The following FGF13 variants were observed in gnomAD, a reference collection of about 807,000 sequenced individuals.
FGF13 encodes fibroblast growth factor homologous factor 2.
FGF13 carries 2 observed loss-of-function variants against 19.5 expected under a neutral mutation model. The ratio of observed to expected loss-of-function variants is 0.10; its 90% confidence interval spans 0.04 to 0.32. FGF13 has a LOEUF of 0.32. FGF13 is among the 10% of genes least tolerant of loss of function. The pLI is 1.00. For synonymous variants in FGF13, 72 were observed against 76.9 expected (o/e 0.94, Z 0.33); for missense variants, 113 against 192.7 (o/e 0.59, Z 2.45).
intron 1 of FGF13, among the ~76,000 whole-genome samples, chrX:138,971,134 C>G (rs1271718834): frequency 1.8e-5 from 2 of 111,433 alleles, no homozygotes; most frequent in African/African-American, 6.5e-5. Context: ...AGAAATAGGA[C>G]AGGGTATTGC....
chrX:138,794,306 A>AT (rs1268689658), intron 3 of FGF13, among the ~76,000 whole-genome samples: 2 of 111,728 alleles, frequency 1.8e-5, no homozygotes, highest in Non-Finnish European at 3.8e-5. Flanking sequence ...TAAGGATTAA[A>AT]TTTTTTTAAT....
At chrX:138,876,283 A>G (rs183458082) in intron 1 of FGF13, among the ~76,000 whole-genome samples, 94 of 112,572 alleles carry the variant, frequency 8.4e-4, no homozygotes, top group Non-Finnish European at 1.3e-4. Flanking sequence ...CTCTCACCTT[A>G]AAATGTAGGC....
intron 1 of FGF13, among the ~76,000 whole-genome samples, chrX:138,976,655 C>G (rs1259332058): frequency 5.1e-4 from 57 of 111,439 alleles, no homozygotes; most frequent in African/African-American, 1.6e-3. Context: ...CTATAAAATT[C>G]ACCCATGTAA....
chrX:138,720,274 C>T lies in FGF13; in HGVS notation c.29-11346G>A, dbSNP rs746871882. 2.7e-5 allele frequency among the ~76,000 whole-genome samples: 3 copies of T among 112,286 alleles called. No individual in the cohort carries two copies. The South Asian group carries it at 1.1e-3, about 41-fold the overall frequency. ...TATTTGAAGACCTGCTGTATGTCATCTCACTTAAAGTTGCAATTTCCAAGA... is the reference window on the plus strand; with the variant it reads ...TATTTGAAGACCTGCTGTATGTCATTTCACTTAAAGTTGCAATTTCCAAGA... On this transcript the variant is annotated intron_variant, in intron 1 of 4. Transcript: ENST00000305414.
intron 3 of FGF13, among the ~76,000 whole-genome samples, chrX:138,818,499 G>GACACAC (rs371760908): frequency 0.028 from 2,370 of 84,734 alleles, 38 homozygotes; most frequent in African/African-American, 0.039. Flanking sequence ...TATATGCACA[G>GACACAC]ACACACACAC....
intron 1 of FGF13, among the ~76,000 whole-genome samples, chrX:139,024,996 C>T (rs770143754): frequency 9.0e-6 from 1 of 110,997 alleles, no homozygotes; most frequent in Non-Finnish European, 1.9e-5. Flanking sequence ...TCAAAGAGTC[C>T]TGCCATCCAT....
At chrX:138,823,237 T>C (rs1156602462) in intron 3 of FGF13, among the ~76,000 whole-genome samples, 1 of 111,147 alleles carries the variant, frequency 9.0e-6, no homozygotes, top group East Asian at 2.9e-4. Flanking sequence ...AGTGGGGCTA[T>C]GGTGAGATAG....
intron 3 of FGF13, among the ~76,000 whole-genome samples, chrX:138,818,485 T>G (rs1326646312): frequency 2.2e-5 from 2 of 91,710 alleles, no homozygotes; most frequent in Non-Finnish European, 4.3e-5. Flanking sequence ...TATATAAGGA[T>G]ATATATATGC....
At chrX:139,078,563 T>C (rs1375234791) in intron 1 of FGF13, among the ~76,000 whole-genome samples, 1 of 112,919 alleles carries the variant, frequency 8.9e-6, no homozygotes, top group Non-Finnish European at 1.9e-5. Context: ...GCAACTACTG[T>C]CCCAGTTCCA....
intron 1 of FGF13, among the ~76,000 whole-genome samples, chrX:138,930,485 C>T (rs1256221572): frequency 8.9e-6 from 1 of 111,818 alleles, no homozygotes; most frequent in Non-Finnish European, 1.9e-5. Flanking sequence ...AAAACAGACT[C>T]CAAATCCGGA....
chrX:138,820,078 C>T (rs1400301336), intron 3 of FGF13, among the ~76,000 whole-genome samples: 1 of 110,718 alleles, frequency 9.0e-6, no homozygotes, highest in Non-Finnish European at 1.9e-5. Context: ...ATAGAAATTA[C>T]AGAAAAAATG....
chrX:138,970,681 T>C (rs1417321563), intron 1 of FGF13, among the ~76,000 whole-genome samples: 1 of 111,371 alleles, frequency 9.0e-6, no homozygotes. Flanking sequence ...AAAAAATGCA[T>C]TTAGGAGTTA....
intron 1 of FGF13, among the ~76,000 whole-genome samples, chrX:138,954,850 C>T (rs1449667945): frequency 8.9e-6 from 1 of 111,843 alleles, no homozygotes; most frequent in African/African-American, 3.3e-5. Context: ...CCACTAGCAA[C>T]GTTTTCTTAT....
chrX:138,904,166 T>C (rs1238077259), intron 1 of FGF13, among the ~76,000 whole-genome samples: 2 of 111,834 alleles, frequency 1.8e-5, no homozygotes, highest in African/African-American at 6.5e-5. Flanking sequence ...TTAAAGACAA[T>C]TTCAAGCACA....
At chrX:139,004,915 G>A (rs2092093898) in intron 1 of FGF13, among the ~76,000 whole-genome samples, 1 of 112,063 alleles carries the variant, frequency 8.9e-6, no homozygotes, top group Admixed American at 9.4e-5. Flanking sequence ...CAGAACACCA[G>A]GTAGACTTCT....
At chrX:138,761,271 G>T (rs2090464257) in intron 3 of FGF13, among the ~76,000 whole-genome samples, 1 of 111,445 alleles carries the variant, frequency 9.0e-6, no homozygotes, top group Non-Finnish European at 1.9e-5. Flanking sequence ...TCTCTTGCTT[G>T]CCATTCAGAT....
chrX:139,094,195 T>C (rs1031152676), intron 1 of FGF13, among the ~76,000 whole-genome samples: 1 of 110,756 alleles, frequency 9.0e-6, no homozygotes, highest in Admixed American at 9.6e-5. Context: ...AAAACTAAGA[T>C]TGAGAAGTGA....
rs144527288 is a variant in FGF13 at position 139,173,877 on chromosome X, T to C, written c.-113+29539A>G. Among the ~76,000 whole-genome samples the C allele has an allele frequency of 2.2e-3, 251 of 111,940 alleles. 4 individuals are homozygous for C. The highest frequency in any genetic ancestry group is 6.0e-4 in the Non-Finnish European group (32 of 53,222). The stretch of plus-strand genomic sequence containing the variant: ...AAATAAACATCCGTGTGCATGTGTC[T>C]TTATAGCAGAACGATTTATAAGCCA... On this transcript the variant is annotated intron_variant, in intron 1 of 2. Transcript: ENST00000421460.
intron 3 of FGF13, among the ~76,000 whole-genome samples, chrX:138,838,395 T>C: frequency 8.9e-6 from 1 of 112,072 alleles, no homozygotes; most frequent in East Asian, 2.8e-4. Flanking sequence ...AAACTCCGTG[T>C]AGCTCTGTGT....
Sources: gnomAD v4.1 joint callset for allele counts (sites outside exome capture counted in the v4.1 genomes callset) on GRCh38, gnomAD v4.1.1 for gene constraint, MANE v1.5 for transcripts, NCBI Gene and HGNC (gene_info 2026-07-23, HGNC 2026-07-21) for gene names.